SEMA3E: variants seen among roughly 807,000 people sequenced by gnomAD.
SEMA3E encodes the protein semaphorin-3E.
Under a neutral mutation model 93.6 loss-of-function variants are expected in SEMA3E, and 49 were observed. The observed-to-expected ratio is 0.52, with a 90% CI of 0.42 to 0.66. SEMA3E has a LOEUF of 0.66. SEMA3E is among the 30% of genes least tolerant of loss of function. The probability of loss-of-function intolerance (pLI) is 0.00; values close to 1 mark genes in which losing one functional copy is unlikely to be tolerated. For synonymous variants in SEMA3E, 363 were observed against 330.7 expected, an observed-to-expected ratio of 1.10 and a Z score of -1.06; for missense variants, 906 against 964.8, an observed-to-expected ratio of 0.94 and a Z score of 0.81.
At chr7:83,369,698 A>C (rs1445315313) in intron 16 of SEMA3E, among the ~76,000 whole-genome samples, 1 of 152,138 alleles carries the variant, frequency 6.6e-6, no homozygotes, top group East Asian at 1.9e-4. Flanking sequence ...ACCACATAGA[A>C]ACAATCTGTT....
intron 1 of SEMA3E, among the ~76,000 whole-genome samples, chr7:83,629,302 G>A (rs2044821988): frequency 6.6e-6 from 1 of 152,192 alleles, no homozygotes; most frequent in Admixed American, 6.5e-5. Flanking sequence ...CCCACTTGAG[G>A]AGGCAGTCTA....
intron 1 of SEMA3E, among the ~76,000 whole-genome samples, chr7:83,552,691 G>C (rs535138925): frequency 6.6e-6 from 1 of 152,170 alleles, no homozygotes; most frequent in East Asian, 1.9e-4. Flanking sequence ...TGTCTTATGC[G>C]GTTGAGATAA....
intron 2 of SEMA3E, among the ~76,000 whole-genome samples, chr7:83,488,737 C>T (rs888429347): frequency 6.6e-6 from 1 of 152,090 alleles, no homozygotes; most frequent in Admixed American, 6.6e-5. Flanking sequence ...TGAGAGAATG[C>T]TCCAGGTGAT....
chr7:83,536,195 C>T (rs1024359748), intron 1 of SEMA3E, among the ~76,000 whole-genome samples: 3 of 151,468 alleles, frequency 2.0e-5, no homozygotes, highest in African/African-American at 7.3e-5. Context: ...ATCACTTTTA[C>T]CAGCTTTTGA....
At chr7:83,634,639 T>G (rs547260036) in intron 1 of SEMA3E, among the ~76,000 whole-genome samples, 1 of 152,076 alleles carries the variant, frequency 6.6e-6, no homozygotes, top group Admixed American at 6.5e-5. Context: ...ATTTAAATAT[T>G]ATTACAAGCG....
chr7:83,458,424 CT>C (rs1346589612), intron 4 of SEMA3E, among the ~76,000 whole-genome samples: 15 of 151,970 alleles, frequency 9.9e-5, no homozygotes, highest in Non-Finnish European at 1.9e-4. Context: ...AGATTTTTCA[CT>C]TGAGGAAACC....
In SEMA3E at chr7:83,490,168, G is replaced by C. The variant is rs1362081964; in HGVS notation, c.222C>G (p.Gly74=). 3 of 1,612,938 alleles carry C rather than the reference G, an allele frequency of 1.9e-6. No homozygotes were observed. In the South Asian group the frequency reaches 3.3e-5, roughly 18 times the overall value. The change falls in exon 2 of 17, where the codon GGC becomes GGG. Residue 74 remains glycine, a synonymous_variant. Transcript: ENST00000643230. ...AGCTGAGGGAATATACAAGGTCCCTGCCTCCCACGAAGAGCCTCTCTTGAT... is the reference window on the plus strand; with the variant it reads ...AGCTGAGGGAATATACAAGGTCCCTCCCTCCCACGAAGAGCCTCTCTTGAT... ...DEYQERLFVG[G]RDLVYSLSLE... is the part of the protein sequence containing the mutation.
At chr7:83,620,727 G>C (rs971078714) in intron 1 of SEMA3E, among the ~76,000 whole-genome samples, 2 of 151,994 alleles carry the variant, frequency 1.3e-5, no homozygotes, top group African/African-American at 4.8e-5. Flanking sequence ...CACGTAAACA[G>C]AAGTAAAAAT....
chr7:83,506,841 C>T lies in SEMA3E; in HGVS notation c.116-16567G>A, dbSNP rs566946729. ...GGAAAACTTGGAAGACACTTTTATA[C>T]GATAAGTTAAAATGTCTATTATAGA... On this transcript the variant is annotated intron_variant, in intron 1 of 16. Coordinates refer to ENST00000643230, the MANE Select transcript of SEMA3E (RefSeq NM_012431.3). Among the ~76,000 whole-genome samples the T allele has an allele frequency of 4.6e-4, 70 of 152,124 alleles. 1 individual carries two copies. The highest frequency in any genetic ancestry group is 3.1e-3 in the South Asian group (15 of 4,820).
intron 1 of SEMA3E, among the ~76,000 whole-genome samples, chr7:83,640,829 C>T (rs1387773424): frequency 6.6e-6 from 1 of 151,794 alleles, no homozygotes; most frequent in Admixed American, 6.6e-5. Context: ...GTGCCAGCCT[C>T]ACAAAGGGGT....
chr7:83,458,368 T>C (rs111365459), intron 4 of SEMA3E, among the ~76,000 whole-genome samples: 2,928 of 151,838 alleles, frequency 0.019, 96 homozygotes, highest in African/African-American at 0.067. Context: ...TTTTAAAAAC[T>C]TCTAGAAGGC....
At chr7:83,404,609 A>T (rs900679619) in intron 9 of SEMA3E, among the ~76,000 whole-genome samples, 3 of 152,048 alleles carry the variant, frequency 2.0e-5, no homozygotes, top group African/African-American at 7.2e-5. Flanking sequence ...TATATGAAAT[A>T]ATATTTTATC....
intron 4 of SEMA3E, 46 bp downstream of exon 4, chr7:83,466,436 G>A: frequency 6.2e-7 from 1 of 1,607,050 alleles, no homozygotes; most frequent in Non-Finnish European, 8.5e-7. Flanking sequence ...GAACAAGGTT[G>A]TTTTAAGCAT....
chr7:83,431,296 T>C (rs942916753), intron 4 of SEMA3E, among the ~76,000 whole-genome samples: 2 of 151,534 alleles, frequency 1.3e-5, no homozygotes, highest in Non-Finnish European at 2.9e-5. Context: ...ATCTGAAATG[T>C]AAAAATTAAT....
rs931193202 is a variant in SEMA3E at position 83,400,056 on chromosome 7, G to A, written c.1338C>T (p.Gly446=). ...IAVDRVEAED[G]QYDVLFIGTD... ...TCCCAATAAACAAGACGTCATATTG[G>A]CCATCCTCAGCTTCCACTCGATCTA... Residue 446 remains glycine, a synonymous_variant, in exon 11 of 17, where the codon GGC becomes GGT. Transcript: ENST00000643230. 6.2e-7 allele frequency: 1 copy of A among 1,613,448 alleles called. No individual in the cohort carries two copies. Among genetic ancestry groups the A allele is most frequent in the African/African-American group, 1.3e-5 (1 of 74,880 alleles).
chr7:83,485,543 AAG>A (rs1790233823), intron 2 of SEMA3E, among the ~76,000 whole-genome samples: 2 of 152,172 alleles, frequency 1.3e-5, no homozygotes, highest in Admixed American at 1.3e-4. Context: ...TATTAAATAA[AAG>A]AAAACAAAAC....
intron 1 of SEMA3E, among the ~76,000 whole-genome samples, chr7:83,575,301 C>A (rs570025227): frequency 1.5e-4 from 23 of 150,844 alleles, no homozygotes; most frequent in African/African-American, 2.4e-4. Context: ...AGTGTTATTA[C>A]CTGCATACAA....
At chr7:83,647,150 T>G (rs1244391243) in intron 1 of SEMA3E, among the ~76,000 whole-genome samples, 1 of 152,150 alleles carries the variant, frequency 6.6e-6, no homozygotes, top group African/African-American at 2.4e-5. Flanking sequence ...AATGGATTTC[T>G]TAAATTTATA....
chr7:83,630,177 C>T (rs1377639426), intron 1 of SEMA3E, among the ~76,000 whole-genome samples: 4 of 152,186 alleles, frequency 2.6e-5, no homozygotes, highest in African/African-American at 9.6e-5. Flanking sequence ...GCAGAAATCA[C>T]TTGCCTTCTG....
Sources: allele counts gnomAD v4.1 joint callset (sites outside exome capture counted in the v4.1 genomes callset), GRCh38; gene constraint gnomAD v4.1.1; transcripts MANE v1.5; gene names NCBI Gene and HGNC (gene_info 2026-07-23, HGNC 2026-07-21).